The following RORA variants were observed in gnomAD, a reference collection of about 807,000 sequenced individuals.
RORA encodes the protein RAR related orphan receptor A, also known as nuclear receptor ROR-alpha.
In RORA, 7 loss-of-function variants were observed where a neutral mutation model predicts 69.5. That is an observed-to-expected ratio of 0.10 (90% confidence interval 0.06 to 0.19). The LOEUF (loss-of-function observed/expected upper bound fraction) is 0.19, where lower values mean the gene tolerates loss of function less well. RORA is among the 10% of genes least tolerant of loss of function. RORA has a pLI of 1.00. For synonymous variants in RORA, 261 were observed against 240.8 expected, an observed-to-expected ratio of 1.08 and a Z score of -0.78; for missense variants, 457 against 663.0, an observed-to-expected ratio of 0.69 and a Z score of 3.41.
chr15:60,624,591 A>C (rs2069522717), intron 2 of RORA, among the ~76,000 whole-genome samples: 1 of 149,984 alleles, frequency 6.7e-6, no homozygotes, highest in Non-Finnish European at 1.5e-5. Context: ...ATACACACAC[A>C]CACAAACACA....
At chr15:60,653,096 G>C (rs965677698) in intron 2 of RORA, among the ~76,000 whole-genome samples, 1 of 152,180 alleles carries the variant, frequency 6.6e-6, no homozygotes, top group Non-Finnish European at 1.5e-5. Context: ...GTGGGCTTTC[G>C]TTTCTACAGG....
chr15:60,916,624 ATT>A (rs769660835), intron 1 of RORA, among the ~76,000 whole-genome samples: 46 of 140,738 alleles, frequency 3.3e-4, no homozygotes, highest in Admixed American at 7.7e-4. Flanking sequence ...ATATATATAT[ATT>A]TTTAAATACC....
At chr15:61,080,745 A>G (rs2078527069) in intron 1 of RORA, among the ~76,000 whole-genome samples, 1 of 152,196 alleles carries the variant, frequency 6.6e-6, no homozygotes, top group Admixed American at 6.5e-5. Context: ...CATTGTTGCT[A>G]GATATGGGTG....
At chr15:60,711,805 A>G (rs1313357270) in intron 1 of RORA, among the ~76,000 whole-genome samples, 3 of 152,168 alleles carry the variant, frequency 2.0e-5, no homozygotes, top group Non-Finnish European at 4.4e-5. Context: ...CCTGTCAGCA[A>G]CCCACCTTTG....
intron 2 of RORA, among the ~76,000 whole-genome samples, chr15:60,606,271 T>C (rs997112644): frequency 2.6e-5 from 4 of 152,238 alleles, no homozygotes; most frequent in Non-Finnish European, 4.4e-5. Flanking sequence ...GTAAATGCTA[T>C]TGTTGGAACG....
At position 60,905,358 on chromosome 15, in the gene RORA, C is replaced by G. The variant is rs12148098; in HGVS notation, c.167-226672G>C. 0.062 allele frequency among the ~76,000 whole-genome samples: 9,489 copies of G among 152,250 alleles called. 384 individuals carry two copies. The highest frequency in any genetic ancestry group is 0.086 in the Non-Finnish European group (5,883 of 68,016). On this transcript the variant is annotated intron_variant, in intron 1 of 10. Coordinates refer to ENST00000335670, the MANE Select transcript of RORA (RefSeq NM_134261.3). The surrounding 1 kb of genome is among the most constrained non-coding windows in gnomAD (Gnocchi z 4.8). ...AAGCATGATGATAAAATATGCAATT[C>G]TTAAGAAATGTCAAAGACAGCTCAT...
At chr15:61,215,305 C>T (rs2080030847) in intron 1 of RORA, among the ~76,000 whole-genome samples, 1 of 152,122 alleles carries the variant, frequency 6.6e-6, no homozygotes, top group African/African-American at 2.4e-5. Context: ...GTGCCTCTAT[C>T]TTTCTGCTGT....
At chr15:60,889,664 T>C (rs1039384648) in intron 1 of RORA, among the ~76,000 whole-genome samples, 2 of 152,178 alleles carry the variant, frequency 1.3e-5, no homozygotes, top group Admixed American at 6.5e-5. Flanking sequence ...GGAACTTAGA[T>C]CTGGACGGCC....
chr15:60,646,829 G>A (rs2070054936), intron 2 of RORA, among the ~76,000 whole-genome samples: 4 of 152,242 alleles, frequency 2.6e-5, no homozygotes, highest in African/African-American at 9.6e-5. Context: ...GCTTGGGCAA[G>A]TCACATAGCT....
intron 1 of RORA, among the ~76,000 whole-genome samples, chr15:61,123,003 T>G (rs2079116495): frequency 6.6e-6 from 1 of 152,188 alleles, no homozygotes. Flanking sequence ...ATTTGTACAT[T>G]TTTCCTCATA....
intron 1 of RORA, among the ~76,000 whole-genome samples, chr15:61,129,091 A>G (rs2079167565): frequency 6.6e-6 from 1 of 152,150 alleles, no homozygotes; most frequent in Non-Finnish European, 1.5e-5. Context: ...AGAAAATCAA[A>G]CTCTGCATTT....
chr15:61,178,940 T>C (rs1235428992), intron 1 of RORA, among the ~76,000 whole-genome samples: 2 of 152,230 alleles, frequency 1.3e-5, no homozygotes, highest in Non-Finnish European at 2.9e-5. Context: ...TGTTTTAACA[T>C]GACCCATCTA....
At chr15:61,119,351 C>A (rs551881257) in intron 1 of RORA, among the ~76,000 whole-genome samples, 85 of 151,724 alleles carry the variant, frequency 5.6e-4, no homozygotes, top group African/African-American at 2.0e-3. Flanking sequence ...GCATGTACCA[C>A]CGTGCCTGCC....
At chr15:61,073,478 C>T (rs937526869) in intron 1 of RORA, among the ~76,000 whole-genome samples, 2 of 152,102 alleles carry the variant, frequency 1.3e-5, no homozygotes, top group African/African-American at 4.8e-5. Flanking sequence ...GGTTCAAATT[C>T]GCAAATGGCA....
chr15:60,687,516 G>A (rs1196799731), intron 1 of RORA, among the ~76,000 whole-genome samples: 3 of 152,204 alleles, frequency 2.0e-5, no homozygotes, highest in East Asian at 1.9e-4. Flanking sequence ...TTGGGAGGCC[G>A]AGGCGGGCAG....
intron 1 of RORA, among the ~76,000 whole-genome samples, chr15:60,866,802 CT>C (rs371313934): frequency 6.8e-6 from 1 of 147,692 alleles, no homozygotes; most frequent in African/African-American, 2.5e-5. Flanking sequence ...CTGGGTGTTC[CT>C]GAGTTGTATC....
In RORA at chr15:60,976,425, C is replaced by T. The variant is rs28404284; in HGVS notation, c.166+252628G>A. Among the ~76,000 whole-genome samples the T allele has an allele frequency of 2.0e-3, 312 of 152,278 alleles. 4 individuals carry two copies. The highest frequency in any genetic ancestry group is 7.0e-3 in the African/African-American group (293 of 41,570). On this transcript the variant is annotated intron_variant, in intron 1 of 10. Coordinates refer to ENST00000335670, the MANE Select transcript of RORA (RefSeq NM_134261.3). ...GCCAGACTAAATAATTCCAAAGTGT[C>T]TTTAGGCAAATGCAGACCAGAATAC...
At chr15:60,926,803 A>C (rs924292015) in intron 1 of RORA, among the ~76,000 whole-genome samples, 1 of 152,250 alleles carries the variant, frequency 6.6e-6, no homozygotes, top group Non-Finnish European at 1.5e-5. Flanking sequence ...AGATGTCCAC[A>C]AGCTACTATA....
At chr15:61,148,115 C>T (rs2079366918) in intron 1 of RORA, among the ~76,000 whole-genome samples, 1 of 152,152 alleles carries the variant, frequency 6.6e-6, no homozygotes, top group Non-Finnish European at 1.5e-5. Context: ...AGCCAAGGGA[C>T]TGGCAGTGGA....
Sources: allele counts gnomAD v4.1 joint callset (sites outside exome capture counted in the v4.1 genomes callset), GRCh38; gene constraint gnomAD v4.1.1; non-coding constraint Gnocchi (gnomAD v3.1); transcripts MANE v1.5; gene names NCBI Gene and HGNC (gene_info 2026-07-23, HGNC 2026-07-21).